The following TTC6 variants were observed in gnomAD, a reference collection of about 807,000 sequenced individuals.
TTC6 encodes tetratricopeptide repeat protein 6.
A neutral mutation model predicts 210.4 loss-of-function variants in TTC6; 172 were observed. The ratio of observed to expected loss-of-function variants is 0.82; its 90% CI spans 0.72 to 0.93. TTC6 has a LOEUF of 0.93. Among genes scored for constraint, TTC6 ranks in the 40% least tolerant of loss-of-function variants. The pLI is 0.00. For missense variants in TTC6, 2,414 were observed against 2,318.1 expected (o/e 1.04, Z -0.85); for synonymous variants, 804 against 819.6 (o/e 0.98, Z 0.32).
chr14:37,678,592 C>T (rs2095775655), intron 1 of TTC6, among the ~76,000 whole-genome samples: 1 of 152,174 alleles, frequency 6.6e-6, no homozygotes, highest in African/African-American at 2.4e-5. Flanking sequence ...TAGTAAGATA[C>T]TTGGGCTCTG....
At chr14:37,808,108 T>C (rs1036609703) in intron 23 of TTC6, among the ~76,000 whole-genome samples, 1 of 152,180 alleles carries the variant, frequency 6.6e-6, no homozygotes, top group African/African-American at 2.4e-5. Flanking sequence ...ACTGGCACCA[T>C]TGATATGTGA....
chr14:37,704,450 ACT>A (rs753919240), intron 5 of TTC6, among the ~76,000 whole-genome samples: 73 of 151,476 alleles, frequency 4.8e-4, no homozygotes, highest in Non-Finnish European at 7.4e-4. Flanking sequence ...TATGATTGTT[ACT>A]CTTTTTGAAT....
At position 37,779,895 on chromosome 14, in the gene TTC6, G is replaced by A. The variant is rs530531312; in HGVS notation, c.3267-7573G>A. 6.6e-5 allele frequency among the ~76,000 whole-genome samples: 10 copies of A among 152,254 alleles called. No homozygotes were observed. In the East Asian group the frequency reaches 1.9e-3, roughly 29 times the overall value. ...TATCCCATTACCAATATGGGCCATGGAAAGAAAGTTTTTGAGAAAGTAGGT... is the reference window on the plus strand; with the variant it reads ...TATCCCATTACCAATATGGGCCATGAAAAGAAAGTTTTTGAGAAAGTAGGT... On this transcript the variant is annotated intron_variant, in intron 14 of 30. Coordinates refer to ENST00000553443, the Ensembl canonical transcript of TTC6.
At chr14:37,749,750 T>C in exon 12 of TTC6, 1 of 1,459,128 alleles carries the variant, frequency 6.9e-7, no homozygotes, top group South Asian at 1.4e-5. Flanking sequence ...CAATGCCTAT[T>C]GGCATCGACA....
In TTC6 at chr14:37,770,944, G is replaced by A. The variant is rs1190028578; in HGVS notation, c.3267-16524G>A. ...CATGATTTTGCAGCGGCTGGTACCG[G>A]TTGTTCCTTTCCATGTTTAGTGCTT... On this transcript the variant is annotated intron_variant, in intron 14 of 30. Coordinates refer to ENST00000553443, the Ensembl canonical transcript of TTC6. Among the ~76,000 whole-genome samples the A allele has an allele frequency of 8.8e-4, 120 of 136,540 alleles. 1 individual carries two copies. The highest frequency in any genetic ancestry group is 1.4e-3 in the Non-Finnish European group (89 of 62,910). 89.6% of individuals were successfully genotyped at this position (136,540 alleles called of 152,430 possible).
chr14:37,830,750 A>T (rs1245783503), intron 29 of TTC6, among the ~76,000 whole-genome samples: 3 of 151,346 alleles, frequency 2.0e-5, no homozygotes, highest in Admixed American at 6.6e-5. Flanking sequence ...TCTAAAATAG[A>T]TTTTTTTAAA....
intron 14 of TTC6, among the ~76,000 whole-genome samples, chr14:37,771,138 C>G (rs1473650877): frequency 2.0e-5 from 3 of 152,112 alleles, no homozygotes; most frequent in African/African-American, 4.8e-5. Flanking sequence ...GGCCCCCACT[C>G]TCTTCTGGCT....
intron 29 of TTC6, among the ~76,000 whole-genome samples, chr14:37,830,917 T>G (rs2096183307): frequency 6.6e-6 from 1 of 152,158 alleles, no homozygotes; most frequent in African/African-American, 2.4e-5. Flanking sequence ...CTCAAACATT[T>G]ATCGTTTCTT....
chr14:37,725,248 TA>T (rs2095869324), intron 7 of TTC6, among the ~76,000 whole-genome samples: 1 of 145,200 alleles, frequency 6.9e-6, no homozygotes, highest in African/African-American at 2.5e-5. Flanking sequence ...TGTGTGTGTG[TA>T]TATATATACA....
chr14:37,820,277 G>A lies in TTC6; in HGVS notation c.4763+2626G>A, dbSNP rs142869663. Among the ~76,000 whole-genome samples the A allele has an allele frequency of 5.6e-4, 86 of 152,216 alleles. 1 individual carries two copies. In the East Asian group the frequency reaches 6.6e-3, roughly 12 times the overall value. On this transcript the variant is annotated intron_variant, in intron 26 of 30. Transcript: ENST00000553443. The stretch of plus-strand genomic sequence containing the variant: ...CCTGGACTTGATTTTAGTCACTATC[G>A]GCTTTGAGGAGCTTGCTAGCTGTCT...
At chr14:37,784,228 G>C (rs1433411785) in intron 14 of TTC6, among the ~76,000 whole-genome samples, 1 of 152,148 alleles carries the variant, frequency 6.6e-6, no homozygotes, top group Non-Finnish European at 1.5e-5. Context: ...GGGTGTTAAA[G>C]TCTCCCATTA....
At chr14:37,669,352 G>C (rs1022619161) in intron 1 of TTC6, among the ~76,000 whole-genome samples, 1 of 152,156 alleles carries the variant, frequency 6.6e-6, no homozygotes, top group Non-Finnish European at 1.5e-5. Flanking sequence ...TAAGTGGCAC[G>C]TGTGCACCTG....
intron 5 of TTC6, among the ~76,000 whole-genome samples, chr14:37,710,314 C>T (rs2095842631): frequency 2.6e-5 from 4 of 152,164 alleles, no homozygotes; most frequent in Admixed American, 2.6e-4. Context: ...AGATGTAGCT[C>T]ACAGTCACCT....
chr14:37,838,836 A>T (rs2096203785), intron 29 of TTC6, among the ~76,000 whole-genome samples: 1 of 152,000 alleles, frequency 6.6e-6, no homozygotes. Context: ...CTGGTGTGTG[A>T]TGTTCCCCTC....
At chr14:37,727,427 G>A (rs1449210682) in intron 7 of TTC6, among the ~76,000 whole-genome samples, 2 of 150,574 alleles carry the variant, frequency 1.3e-5, no homozygotes, top group Non-Finnish European at 3.0e-5. Flanking sequence ...CCGAGTAGCC[G>A]GGACTACAGG....
intron 10 of TTC6, among the ~76,000 whole-genome samples, chr14:37,741,442 CCA>C: frequency 6.6e-6 from 1 of 151,836 alleles, no homozygotes; most frequent in South Asian, 2.1e-4. Context: ...GCGTGTGCCA[CCA>C]CACCTGGCTA....
At chr14:37,837,325 G>GA (rs1306183615) in intron 29 of TTC6, 2 of 429,752 alleles carry the variant, frequency 4.7e-6, no homozygotes, top group African/African-American at 4.1e-5. Flanking sequence ...ACTTTAGGAA[G>GA]AAAGTCTTGG....
At chr14:37,736,095 A>C in intron 8 of TTC6, 85 bp downstream of exon 10, 1 of 765,040 alleles carries the variant, frequency 1.3e-6, no homozygotes, top group South Asian at 1.8e-5. Context: ...TCCAGAAATT[A>C]TTTCTTGGGG....
chr14:37,792,405 C>T (rs2096082033), exon 17 of TTC6: 1 of 1,507,970 alleles, frequency 6.6e-7, no homozygotes, highest in South Asian at 1.3e-5. Context: ...GGGCGGAAAC[C>T]TATTTTAAGG....
Sources: gnomAD v4.1 joint callset for allele counts (sites outside exome capture counted in the v4.1 genomes callset) on GRCh38, gnomAD v4.1.1 for gene constraint, MANE v1.5 for transcripts, NCBI Gene and HGNC (gene_info 2026-07-23, HGNC 2026-07-21) for gene names.